MYO1D: variants seen among roughly 807,000 people sequenced by gnomAD.
MYO1D encodes unconventional myosin-Id.
In MYO1D, 83 loss-of-function variants were observed where a neutral mutation model predicts 122.0. The ratio of observed to expected loss-of-function variants is 0.68; its 90% confidence interval spans 0.57 to 0.82. The LOEUF is 0.82. Ranked by LOEUF, MYO1D falls within the 40% of genes least tolerant of loss-of-function variation. MYO1D has a pLI of 0.00. For synonymous variants in MYO1D, 464 were observed against 446.9 expected (o/e 1.04, Z -0.48); for missense variants, 1,157 against 1,269.5 (o/e 0.91, Z 1.35).
chr17:32,602,985 C>A, intron 21 of MYO1D, among the ~76,000 whole-genome samples: 1 of 151,782 alleles, frequency 6.6e-6, no homozygotes, highest in East Asian at 1.9e-4. Flanking sequence ...AAATTTCAAG[C>A]CTGACTTTTC....
chr17:32,773,440 G>A (rs772786880), intron 4 of MYO1D, among the ~76,000 whole-genome samples: 1 of 152,122 alleles, frequency 6.6e-6, no homozygotes, highest in Non-Finnish European at 1.5e-5. Context: ...ATTGGTGTCT[G>A]ATCACTGTGG....
At chr17:32,638,233 G>A (rs998694413) in intron 20 of MYO1D, among the ~76,000 whole-genome samples, 77 of 152,260 alleles carry the variant, frequency 5.1e-4, no homozygotes, top group African/African-American at 1.8e-3. Flanking sequence ...TTAGAAAACT[G>A]TATGGTTATA....
chr17:32,512,737 C>G (rs1909738035), intron 21 of MYO1D: 1 of 152,258 alleles, frequency 6.6e-6, no homozygotes, highest in Admixed American at 6.5e-5. Flanking sequence ...GACTCACCTG[C>G]TCAGCCAGTG....
chr17:32,853,058 T>C (rs1456346180), intron 1 of MYO1D, among the ~76,000 whole-genome samples: 1 of 152,204 alleles, frequency 6.6e-6, no homozygotes. Context: ...CAGCCTGTTA[T>C]CTTACCTTCT....
chr17:32,625,418 T>G lies in MYO1D; in HGVS notation c.2709+13304A>C, dbSNP rs2087914307. 2.0e-5 allele frequency among the ~76,000 whole-genome samples: 3 copies of G among 152,208 alleles called. No homozygotes were observed. The South Asian group carries it at 6.2e-4, about 31-fold the overall frequency. On this transcript the variant is annotated intron_variant, in intron 20 of 21. Transcript: ENST00000318217. ...AGTGGTCAACTTCTCTGAGAATTTATTTCATCTATAAAATGAGACTTCCTG... is the reference window on the plus strand; with the variant it reads ...AGTGGTCAACTTCTCTGAGAATTTAGTTCATCTATAAAATGAGACTTCCTG...
At chr17:32,547,245 T>C (rs2086971434) in intron 21 of MYO1D, among the ~76,000 whole-genome samples, 1 of 152,146 alleles carries the variant, frequency 6.6e-6, no homozygotes, top group Admixed American at 6.5e-5. Context: ...CAAGTCTTTT[T>C]TCATATATGT....
At chr17:32,860,010 A>G (rs1267533604) in intron 1 of MYO1D, among the ~76,000 whole-genome samples, 2 of 152,152 alleles carry the variant, frequency 1.3e-5, no homozygotes, top group Non-Finnish European at 2.9e-5. Flanking sequence ...TGGGCATGTG[A>G]CCAAATGCTA....
intron 14 of MYO1D, among the ~76,000 whole-genome samples, chr17:32,722,052 T>C (rs914037602): frequency 3.3e-5 from 5 of 152,222 alleles, no homozygotes; most frequent in African/African-American, 1.2e-4. Flanking sequence ...TGAGCTCTGC[T>C]GAGGGCTAGA....
intron 10 of MYO1D, among the ~76,000 whole-genome samples, chr17:32,759,267 T>C (rs956932598): frequency 3.3e-5 from 5 of 152,114 alleles, no homozygotes; most frequent in Admixed American, 2.6e-4. Flanking sequence ...AACTGTTTTA[T>C]GGTATTCTAA....
intron 1 of MYO1D, among the ~76,000 whole-genome samples, chr17:32,785,647 T>C (rs1474775572): frequency 6.6e-6 from 1 of 152,200 alleles, no homozygotes; most frequent in East Asian, 1.9e-4. Context: ...TCTATGCTCA[T>C]CTTACTTAAT....
chr17:32,652,023 GATTA>G (rs545338683), intron 19 of MYO1D, among the ~76,000 whole-genome samples: 93 of 152,140 alleles, frequency 6.1e-4, no homozygotes, highest in African/African-American at 2.0e-3. Flanking sequence ...ATACACAATT[GATTA>G]ATTACCTATT....
chr17:32,827,343 C>T (rs2090731565), intron 1 of MYO1D, among the ~76,000 whole-genome samples: 3 of 152,012 alleles, frequency 2.0e-5, no homozygotes, highest in African/African-American at 7.3e-5. Flanking sequence ...TATGAAGTAC[C>T]TGGAATGAAA....
chr17:32,689,642 T>C (rs973261157), intron 16 of MYO1D, among the ~76,000 whole-genome samples: 2 of 152,228 alleles, frequency 1.3e-5, no homozygotes, highest in African/African-American at 4.8e-5. Context: ...TTTTGTAACA[T>C]ATATTTTCAC....
chr17:32,682,288 G>C (rs538330934), intron 16 of MYO1D, among the ~76,000 whole-genome samples: 1 of 151,492 alleles, frequency 6.6e-6, no homozygotes, highest in African/African-American at 2.4e-5. Context: ...ATTTGATCCT[G>C]TCATTATGAT....
chr17:32,713,590 C>A (rs2089405921), intron 15 of MYO1D, among the ~76,000 whole-genome samples: 1 of 152,040 alleles, frequency 6.6e-6, no homozygotes, highest in Non-Finnish European at 1.5e-5. Flanking sequence ...TTTAAAGACC[C>A]AAAGCACCCT....
intron 21 of MYO1D, among the ~76,000 whole-genome samples, chr17:32,524,564 C>CTTT (rs11323072): frequency 4.2e-5 from 5 of 119,302 alleles, no homozygotes; most frequent in South Asian, 2.8e-4. Flanking sequence ...CTGATTAATT[C>CTTT]TTTTTTTTTT....
chr17:32,680,051 GCTCT>G (rs1422662165), intron 16 of MYO1D, among the ~76,000 whole-genome samples: 15 of 106,910 alleles, frequency 1.4e-4, no homozygotes, highest in Middle Eastern at 4.1e-3. Flanking sequence ...TCATGATTTG[GCTCT>G]CTGTTTGTCT....
At chr17:32,608,849 T>G (rs533677094) in intron 20 of MYO1D, among the ~76,000 whole-genome samples, 1 of 152,204 alleles carries the variant, frequency 6.6e-6, no homozygotes, top group African/African-American at 2.4e-5. Context: ...ATTACTGACA[T>G]GCAACAACAT....
intron 21 of MYO1D, among the ~76,000 whole-genome samples, chr17:32,584,659 A>T (rs892750734): frequency 2.6e-5 from 4 of 151,904 alleles, no homozygotes; most frequent in African/African-American, 9.7e-5. Flanking sequence ...CACCCTGCTA[A>T]TTTTTAAATT....
Sources: allele counts gnomAD v4.1 joint callset (sites outside exome capture counted in the v4.1 genomes callset), GRCh38; gene constraint gnomAD v4.1.1; transcripts MANE v1.5; gene names NCBI Gene and HGNC (gene_info 2026-07-23, HGNC 2026-07-21).